LRGUK: variants seen among roughly 807,000 people sequenced by gnomAD.
LRGUK encodes the protein leucine rich repeats and guanylate kinase domain containing.
Under a neutral mutation model 76.0 loss-of-function variants are expected in LRGUK, and 65 were observed. The observed-to-expected ratio is 0.85, with a 90% CI of 0.70 to 1.05. LRGUK has a LOEUF of 1.05. LRGUK is among the 50% of genes least tolerant of loss of function. The probability of loss-of-function intolerance (pLI) is 0.00; values close to 1 mark genes in which losing one functional copy is unlikely to be tolerated. For missense variants in LRGUK, 758 were observed against 732.8 expected, an observed-to-expected ratio of 1.03 and a Z score of -0.40; for synonymous variants, 268 against 265.6, an observed-to-expected ratio of 1.01 and a Z score of -0.09.
chr7:134,206,660 T>G (rs138593009), intron 15 of LRGUK, among the ~76,000 whole-genome samples: 1 of 152,094 alleles, frequency 6.6e-6, no homozygotes, highest in East Asian at 1.9e-4. Flanking sequence ...ACCCGAAGGC[T>G]TAAAAAGCAC....
intron 16 of LRGUK, among the ~76,000 whole-genome samples, chr7:134,246,740 C>T (rs1802311170): frequency 6.6e-6 from 1 of 152,190 alleles, no homozygotes; most frequent in African/African-American, 2.4e-5. Flanking sequence ...TTTAAGTGTA[C>T]TTGCTGTTTA....
At chr7:134,264,395 A>G (rs364421) in exon 20 of LRGUK, 9,805 of 154,556 alleles carry the variant, frequency 0.063, 887 homozygotes, top group African/African-American at 0.19. Context: ...TAAAATTTCA[A>G]TATGTCCATT....
chr7:134,246,972 G>A (rs2117204466), intron 16 of LRGUK, among the ~76,000 whole-genome samples: 1 of 152,176 alleles, frequency 6.6e-6, no homozygotes, highest in South Asian at 2.1e-4. Flanking sequence ...TGCCATCTGG[G>A]TTTTATTTCC....
chr7:134,155,777 A>G (rs17167516), intron 5 of LRGUK, among the ~76,000 whole-genome samples: 19,728 of 152,202 alleles, frequency 0.13, 1,620 homozygotes, highest in East Asian at 0.32. Flanking sequence ...ACCTGATATT[A>G]TCCCCACTTT....
At chr7:134,138,097 C>T (rs384545) in intron 2 of LRGUK, among the ~76,000 whole-genome samples, 33,547 of 152,198 alleles carry the variant, frequency 0.22, 4,680 homozygotes, top group South Asian at 0.35. Flanking sequence ...CAGGCAATAA[C>T]ATACAGGGAG....
At chr7:134,266,325 T>C (rs1165002448), downstream of LRGUK, among the ~76,000 whole-genome samples, 1 of 152,210 alleles carries the variant, frequency 6.6e-6, no homozygotes, top group Non-Finnish European at 1.5e-5. Flanking sequence ...GTTGGAATTA[T>C]TGGGTAAGGA....
At chr7:134,183,239 T>C (rs1269737985) in intron 10 of LRGUK, among the ~76,000 whole-genome samples, 1 of 152,262 alleles carries the variant, frequency 6.6e-6, no homozygotes, top group Admixed American at 6.5e-5. Context: ...CATTAGCTTC[T>C]TGTGATAATT....
intron 10 of LRGUK, among the ~76,000 whole-genome samples, chr7:134,182,754 T>TG (rs563018914): frequency 9.0e-4 from 136 of 151,210 alleles, no homozygotes; most frequent in Admixed American, 4.0e-3. Context: ...ATTTTATTAT[T>TG]ATGATGATGA....
intron 6 of LRGUK, among the ~76,000 whole-genome samples, chr7:134,159,520 G>A (rs1248966516): frequency 6.6e-6 from 1 of 152,144 alleles, no homozygotes; most frequent in Non-Finnish European, 1.5e-5. Context: ...GCTGGGCGTG[G>A]TGGCTTGCGC....
At chr7:134,250,203 T>G (rs899501234) in intron 18 of LRGUK, among the ~76,000 whole-genome samples, 1 of 152,176 alleles carries the variant, frequency 6.6e-6, no homozygotes, top group Non-Finnish European at 1.5e-5. Flanking sequence ...TTATTTTATT[T>G]TTCTTCTTTA....
chr7:134,205,074 C>T (rs941391599), intron 15 of LRGUK, among the ~76,000 whole-genome samples: 4 of 152,174 alleles, frequency 2.6e-5, no homozygotes, highest in African/African-American at 9.7e-5. Context: ...GGAAGGGGAC[C>T]TGAGTGGGTT....
At chr7:134,239,431 C>T (rs1433409610) in intron 16 of LRGUK, among the ~76,000 whole-genome samples, 1 of 152,232 alleles carries the variant, frequency 6.6e-6, no homozygotes, top group African/African-American at 2.4e-5. Flanking sequence ...GGGTCCCACA[C>T]CCATGCAGCC....
chr7:134,251,142 A>G (rs999578370), intron 18 of LRGUK, among the ~76,000 whole-genome samples: 2 of 152,158 alleles, frequency 1.3e-5, no homozygotes, highest in Admixed American at 1.3e-4. Flanking sequence ...CCTGACCCCC[A>G]GGATCTCAGA....
At chr7:134,233,484 C>A (rs1294191226) in intron 16 of LRGUK, among the ~76,000 whole-genome samples, 2 of 152,166 alleles carry the variant, frequency 1.3e-5, no homozygotes, top group Non-Finnish European at 2.9e-5. Flanking sequence ...CAGTACAATC[C>A]TGTAAGTACT....
chr7:134,258,535 T>A, intron 19 of LRGUK, 130 bp downstream of exon 19: 1 of 806,884 alleles, frequency 1.2e-6, no homozygotes, highest in Non-Finnish European at 1.8e-6. Context: ...CCATCTCTAC[T>A]AAAAATACAA....
At chr7:134,206,298 C>G (rs867336732) in intron 15 of LRGUK, among the ~76,000 whole-genome samples, 4 of 152,236 alleles carry the variant, frequency 2.6e-5, no homozygotes, top group Middle Eastern at 6.8e-3. Context: ...GGGCAGATCA[C>G]GAGGTCAGGA....
intron 15 of LRGUK, among the ~76,000 whole-genome samples, chr7:134,216,041 C>G (rs530423841): frequency 9.2e-5 from 14 of 152,186 alleles, no homozygotes; most frequent in Admixed American, 9.2e-4. Flanking sequence ...CTTGAAAATT[C>G]CATTTGCATT....
intron 6 of LRGUK, among the ~76,000 whole-genome samples, chr7:134,159,135 C>T (rs373239609): frequency 2.0e-5 from 3 of 151,762 alleles, no homozygotes; most frequent in East Asian, 1.9e-4. Context: ...TCCAGGAGTT[C>T]GAGACCAGCC....
intron 19 of LRGUK, 24 bp from the exon 20 acceptor site, chr7:134,263,821 T>C (rs1397821910): frequency 1.9e-6 from 3 of 1,590,506 alleles, no homozygotes; most frequent in Non-Finnish European, 1.7e-6. Flanking sequence ...GGATTAACTA[T>C]CTTTTTTTCT....
Sources: gnomAD v4.1 joint callset for allele counts (sites outside exome capture counted in the v4.1 genomes callset) on GRCh38, gnomAD v4.1.1 for gene constraint, MANE v1.5 for transcripts, NCBI Gene and HGNC (gene_info 2026-07-23, HGNC 2026-07-21) for gene names.